The following MRPS28 variants were observed in gnomAD, a reference collection of about 807,000 sequenced individuals.
MRPS28 encodes the protein mitochondrial ribosomal protein S28.
Under a neutral mutation model 10.8 loss-of-function variants are expected in MRPS28, and 7 were observed. The ratio of observed to expected loss-of-function variants is 0.65; its 90% CI spans 0.37 to 1.22. The LOEUF (loss-of-function observed/expected upper bound fraction) is 1.22. Ranked by LOEUF, MRPS28 falls within the 50% of genes most tolerant of loss-of-function variation. MRPS28 has a pLI of 0.02. For missense variants in MRPS28, 265 were observed against 232.9 expected (o/e 1.14, Z -0.90); for synonymous variants, 121 against 93.3 (o/e 1.30, Z -1.71).
chr8:80,027,177 G>A (rs1475855930), intron 1 of MRPS28, among the ~76,000 whole-genome samples: 1 of 152,222 alleles, frequency 6.6e-6, no homozygotes, highest in Non-Finnish European at 1.5e-5. Context: ...GAAGGCAGAA[G>A]GCTGGAGAAG....
chr8:79,919,603 G>A (rs1810017529), intron 2 of MRPS28, among the ~76,000 whole-genome samples: 2 of 152,034 alleles, frequency 1.3e-5, no homozygotes, highest in Admixed American at 1.3e-4. Context: ...TAAATTTTGG[G>A]GATAACAGGT....
At chr8:80,029,938 C>T in intron 1 of MRPS28, 98 bp downstream of exon 1, 3 of 1,537,270 alleles carry the variant, frequency 2.0e-6, no homozygotes, top group Admixed American at 2.0e-5. Context: ...CGGACCTCAG[C>T]TCCCCTTCCT....
At chr8:79,955,451 G>C (rs527974398) in intron 2 of MRPS28, among the ~76,000 whole-genome samples, 1 of 152,186 alleles carries the variant, frequency 6.6e-6, no homozygotes, top group Admixed American at 6.6e-5. Context: ...TATTATTATA[G>C]GTGAGGATGT....
intron 2 of MRPS28, among the ~76,000 whole-genome samples, chr8:79,961,976 A>G (rs1509624): frequency 0.51 from 77,390 of 151,984 alleles, 22,114 homozygotes; most frequent in East Asian, 0.68. Flanking sequence ...AAGTTTACTT[A>G]GGAACATTAA....
chr8:79,996,189 T>C (rs1586084835), intron 2 of MRPS28, among the ~76,000 whole-genome samples: 1 of 152,208 alleles, frequency 6.6e-6, no homozygotes, highest in South Asian at 2.1e-4. Context: ...GCCAATTTTC[T>C]ATTATTTACA....
chr8:79,984,761 C>T (rs1277006808), intron 2 of MRPS28, among the ~76,000 whole-genome samples: 4 of 152,006 alleles, frequency 2.6e-5, no homozygotes, highest in African/African-American at 9.7e-5. Flanking sequence ...ACAGGAGCAC[C>T]CAGATTCATA....
At chr8:80,005,168 C>T (rs889385009) in intron 1 of MRPS28, among the ~76,000 whole-genome samples, 41 of 152,052 alleles carry the variant, frequency 2.7e-4, no homozygotes, top group Admixed American at 3.3e-4. Flanking sequence ...AAGAGCAACT[C>T]CAAGACACAC....
chr8:79,930,345 C>T (rs1179577239), intron 2 of MRPS28, among the ~76,000 whole-genome samples: 1 of 152,206 alleles, frequency 6.6e-6, no homozygotes, highest in Non-Finnish European at 1.5e-5. Flanking sequence ...CCGTGTTACT[C>T]TTTAATCTCT....
At chr8:79,941,210 C>A (rs1344267021) in intron 2 of MRPS28, among the ~76,000 whole-genome samples, 1 of 152,134 alleles carries the variant, frequency 6.6e-6, no homozygotes, top group Non-Finnish European at 1.5e-5. Flanking sequence ...AAAGATCTGT[C>A]TTTAAGAAAA....
chr8:79,956,503 CA>C (rs1325678195), intron 2 of MRPS28: 1 of 152,096 alleles, frequency 6.6e-6, no homozygotes, highest in African/African-American at 2.4e-5. Flanking sequence ...ATTTTAGGTT[CA>C]GGGGTACACA....
chr8:79,968,587 T>G (rs1273572241), intron 2 of MRPS28, among the ~76,000 whole-genome samples: 1 of 152,118 alleles, frequency 6.6e-6, no homozygotes, highest in African/African-American at 2.4e-5. Flanking sequence ...CCCCTGCAAC[T>G]TTCCCTTCTC....
intron 2 of MRPS28, among the ~76,000 whole-genome samples, chr8:79,966,125 A>G (rs1217883153): frequency 6.6e-6 from 1 of 152,054 alleles, no homozygotes; most frequent in Non-Finnish European, 1.5e-5. Context: ...CTTTAATTCT[A>G]TTATTGAGTC....
chr8:79,934,646 T>C (rs146202403), intron 2 of MRPS28, among the ~76,000 whole-genome samples: 4 of 152,342 alleles, frequency 2.6e-5, no homozygotes, highest in East Asian at 3.9e-4. Flanking sequence ...CTTTGCTTTC[T>C]GGTGATTAGA....
At chr8:79,994,321 C>T (rs1046562912) in intron 2 of MRPS28, among the ~76,000 whole-genome samples, 1 of 152,082 alleles carries the variant, frequency 6.6e-6, no homozygotes, top group African/African-American at 2.4e-5. Context: ...ACACTAATCG[C>T]AAGTATTATG....
At chr8:79,998,615 C>T (rs1181532730) in intron 2 of MRPS28, among the ~76,000 whole-genome samples, 2 of 152,114 alleles carry the variant, frequency 1.3e-5, no homozygotes, top group African/African-American at 4.8e-5. Flanking sequence ...ACAAAATTGT[C>T]CCAGAGCTAT....
chr8:79,924,729 T>C (rs777665833), intron 2 of MRPS28, among the ~76,000 whole-genome samples: 1 of 152,224 alleles, frequency 6.6e-6, no homozygotes, highest in African/African-American at 2.4e-5. Flanking sequence ...TGAATCTTTA[T>C]ATGCAGACTA....
intron 1 of MRPS28, among the ~76,000 whole-genome samples, chr8:80,009,470 G>A (rs1808966331): frequency 6.6e-6 from 1 of 151,860 alleles, no homozygotes; most frequent in African/African-American, 2.4e-5. Flanking sequence ...TACAAAATTA[G>A]CCAGGCATCA....
chr8:79,976,640 T>C (rs2130060809), intron 2 of MRPS28, among the ~76,000 whole-genome samples: 1 of 152,060 alleles, frequency 6.6e-6, no homozygotes, highest in East Asian at 1.9e-4. Context: ...AGGGAGGTGA[T>C]GGTTGCAATG....
chr8:79,920,209 G>A (rs2129834250), intron 2 of MRPS28, among the ~76,000 whole-genome samples: 1 of 152,188 alleles, frequency 6.6e-6, no homozygotes, highest in African/African-American at 2.4e-5. Context: ...ATTTGGGTTG[G>A]TTCCAAGTCT....
Sources: allele counts gnomAD v4.1 joint callset (sites outside exome capture counted in the v4.1 genomes callset), GRCh38; gene constraint gnomAD v4.1.1; transcripts MANE v1.5; gene names NCBI Gene and HGNC (gene_info 2026-07-23, HGNC 2026-07-21).